Variants in ZFAND3 observed in about 807,000 individuals in gnomAD.
The protein encoded by ZFAND3 is zinc finger AN1-type containing 3.
A neutral mutation model predicts 29.6 loss-of-function variants in ZFAND3; 10 were observed. The observed-to-expected ratio is 0.34, with a 90% CI of 0.21 to 0.57. ZFAND3 has a LOEUF of 0.57. Ranked by LOEUF, ZFAND3 falls within the 20% of genes least tolerant of loss-of-function variation. ZFAND3 has a pLI of 0.86. For missense variants in ZFAND3, 230 were observed against 304.5 expected (o/e 0.76, Z 1.82); for synonymous variants, 128 against 112.6 (o/e 1.14, Z -0.87).
chr6:37,833,104 T>G (rs1176169521), intron 1 of ZFAND3: 1 of 152,172 alleles, frequency 6.6e-6, no homozygotes, highest in Non-Finnish European at 1.5e-5. Flanking sequence ...TGTGGACACC[T>G]GATCAGCATA....
At chr6:37,896,159 G>A (rs567887808) in intron 1 of ZFAND3, among the ~76,000 whole-genome samples, 8 of 152,116 alleles carry the variant, frequency 5.3e-5, no homozygotes, top group African/African-American at 1.9e-4. Context: ...TTCCATTTTG[G>A]CTTTATTTAA....
chr6:37,939,484 T>G (rs1761772722), intron 2 of ZFAND3, among the ~76,000 whole-genome samples: 1 of 152,134 alleles, frequency 6.6e-6, no homozygotes, highest in South Asian at 2.1e-4. Context: ...TGCAGAAGCT[T>G]TTTTTCCCAA....
At chr6:37,933,799 T>G (rs1356258134) in intron 2 of ZFAND3, among the ~76,000 whole-genome samples, 2 of 152,168 alleles carry the variant, frequency 1.3e-5, no homozygotes, top group Non-Finnish European at 2.9e-5. Context: ...TTTTGACAAC[T>G]ATCTTATCAT....
chr6:37,907,501 T>A (rs986455837), intron 1 of ZFAND3, among the ~76,000 whole-genome samples: 17 of 152,212 alleles, frequency 1.1e-4, no homozygotes, highest in Admixed American at 2.6e-4. Flanking sequence ...CTTTTGTGAC[T>A]AGCTTCTCTC....
chr6:37,977,908 CCTTT>C (rs1350316726), intron 2 of ZFAND3, among the ~76,000 whole-genome samples: 1 of 141,030 alleles, frequency 7.1e-6, no homozygotes, highest in East Asian at 2.1e-4. Flanking sequence ...CTCTCCTCTT[CCTTT>C]CTTCCTTTCT....
At chr6:37,905,522 CAT>C (rs936996303) in intron 1 of ZFAND3, among the ~76,000 whole-genome samples, 19 of 152,182 alleles carry the variant, frequency 1.2e-4, no homozygotes, top group African/African-American at 3.1e-4. Context: ...GAAATGCTAA[CAT>C]GTGTCATACT....
intron 1 of ZFAND3, among the ~76,000 whole-genome samples, chr6:37,904,564 C>T (rs1230985786): frequency 6.6e-6 from 1 of 152,120 alleles, no homozygotes; most frequent in Non-Finnish European, 1.5e-5. Context: ...GGCTGCCTGG[C>T]TGTACATTTT....
intron 1 of ZFAND3, among the ~76,000 whole-genome samples, chr6:37,895,278 C>G (rs1765178391): frequency 6.6e-6 from 1 of 151,582 alleles, no homozygotes; most frequent in African/African-American, 2.4e-5. Context: ...TTAATTTCAT[C>G]CAGTGTTTTT....
intron 3 of ZFAND3, among the ~76,000 whole-genome samples, chr6:38,068,520 T>C (rs1764389307): frequency 6.6e-6 from 1 of 152,166 alleles, no homozygotes; most frequent in Non-Finnish European, 1.5e-5. Flanking sequence ...ATCTTGACAG[T>C]GTGCAGCATA....
chr6:37,899,365 G>A (rs997108368), intron 1 of ZFAND3, among the ~76,000 whole-genome samples: 6 of 151,926 alleles, frequency 3.9e-5, no homozygotes, highest in Admixed American at 1.3e-4. Context: ...TTCCTGCATC[G>A]GGGAAAAGCG....
At chr6:37,864,725 A>G (rs1198600773) in intron 1 of ZFAND3, among the ~76,000 whole-genome samples, 1 of 142,556 alleles carries the variant, frequency 7.0e-6, no homozygotes, top group African/African-American at 2.7e-5. Flanking sequence ...ATGTATGTTT[A>G]TATATGTGGT....
At chr6:38,113,278 G>A (rs1765354857) in intron 4 of ZFAND3, among the ~76,000 whole-genome samples, 1 of 152,324 alleles carries the variant, frequency 6.6e-6, no homozygotes, top group Non-Finnish European at 1.5e-5. Flanking sequence ...TTGTACGGAT[G>A]CTGGGACATT....
intron 4 of ZFAND3, among the ~76,000 whole-genome samples, chr6:38,100,678 G>A (rs1253009964): frequency 6.6e-6 from 1 of 152,130 alleles, no homozygotes; most frequent in African/African-American, 2.4e-5. Flanking sequence ...AATTCAGTAG[G>A]CACTCCAGCC....
intron 2 of ZFAND3, among the ~76,000 whole-genome samples, chr6:38,054,537 A>T (rs1020313885): frequency 1.2e-4 from 19 of 152,044 alleles, no homozygotes; most frequent in Non-Finnish European, 1.6e-4. Flanking sequence ...AATAAAAATA[A>T]TTTTTTTTAA....
intron 2 of ZFAND3, among the ~76,000 whole-genome samples, chr6:38,006,040 C>T (rs1019560978): frequency 2.6e-5 from 4 of 152,220 alleles, no homozygotes; most frequent in Non-Finnish European, 5.9e-5. Flanking sequence ...AGCAACTCTT[C>T]TCTGCATGGT....
chr6:37,933,736 T>C (rs1388603323), intron 2 of ZFAND3, among the ~76,000 whole-genome samples: 1 of 152,160 alleles, frequency 6.6e-6, no homozygotes, highest in Non-Finnish European at 1.5e-5. Context: ...AAAATTCCTC[T>C]CTTTGAAATG....
chr6:38,094,509 G>A (rs976594432), intron 4 of ZFAND3, among the ~76,000 whole-genome samples: 8 of 152,284 alleles, frequency 5.3e-5, no homozygotes, highest in Middle Eastern at 3.4e-3. Context: ...GACAGTTTTA[G>A]TACCTTTGTT....
At chr6:38,058,741 T>C (rs1764179542) in intron 2 of ZFAND3, among the ~76,000 whole-genome samples, 1 of 152,242 alleles carries the variant, frequency 6.6e-6, no homozygotes, top group Non-Finnish European at 1.5e-5. Flanking sequence ...TTGCTACTTA[T>C]TAGCTGTTAA....
chr6:38,148,851 A>G (rs375083910), intron 5 of ZFAND3, among the ~76,000 whole-genome samples: 2 of 152,174 alleles, frequency 1.3e-5, no homozygotes, highest in South Asian at 4.1e-4. Flanking sequence ...AGTTCCAGAC[A>G]TAACTTCCTC....
Sources: gnomAD v4.1 joint callset for allele counts (sites outside exome capture counted in the v4.1 genomes callset) on GRCh38, gnomAD v4.1.1 for gene constraint, MANE v1.5 for transcripts, NCBI Gene and HGNC (gene_info 2026-07-23, HGNC 2026-07-21) for gene names.